The following OR3A2 variants were observed in gnomAD, a reference collection of about 807,000 sequenced individuals.
OR3A2 encodes the protein olfactory receptor 3A2.
For missense variants in OR3A2, 318 were observed against 392.8 expected (o/e 0.81, Z 1.61); for synonymous variants, 126 against 159.3 (o/e 0.79, Z 1.57).
chr17:3,290,049 T>C (rs1463293610), intron 3 of OR3A2, among the ~76,000 whole-genome samples: 1 of 152,140 alleles, frequency 6.6e-6, no homozygotes, highest in East Asian at 1.9e-4. Context: ...TAAACCTTCT[T>C]CCTGACATCC....
chr17:3,295,863 A>C (rs2048914410), intron 3 of OR3A2, among the ~76,000 whole-genome samples: 1 of 152,180 alleles, frequency 6.6e-6, no homozygotes, highest in Admixed American at 6.5e-5. Flanking sequence ...AAGATGTAAT[A>C]GGTATGAAAA....
intron 2 of OR3A2, among the ~76,000 whole-genome samples, chr17:3,378,548 C>T (rs1183328573): frequency 6.6e-6 from 1 of 152,098 alleles, no homozygotes; most frequent in African/African-American, 2.4e-5. Flanking sequence ...GAGTGTGGGG[C>T]TCCTGCCTCA....
At chr17:3,350,568 G>A (rs1171898685) in intron 2 of OR3A2, among the ~76,000 whole-genome samples, 1 of 150,922 alleles carries the variant, frequency 6.6e-6, no homozygotes, top group African/African-American at 2.4e-5. Flanking sequence ...AAGAGTCCAG[G>A]ACCAGATGGA....
At chr17:3,379,212 G>A (rs1244357208) in intron 2 of OR3A2, among the ~76,000 whole-genome samples, 1 of 152,200 alleles carries the variant, frequency 6.6e-6, no homozygotes, top group Non-Finnish European at 1.5e-5. Flanking sequence ...GGTAGAGAAA[G>A]GAAAGATGAG....
chr17:3,360,239 A>G (rs1685707604), intron 2 of OR3A2, among the ~76,000 whole-genome samples: 1 of 147,026 alleles, frequency 6.8e-6, no homozygotes. Context: ...GTGTCTGTTC[A>G]TATCCTTCGC....
intron 1 of OR3A2, among the ~76,000 whole-genome samples, chr17:3,279,552 G>T (rs2048764794): frequency 6.6e-6 from 1 of 152,218 alleles, no homozygotes; most frequent in Non-Finnish European, 1.5e-5. Flanking sequence ...CCAGCAGTTT[G>T]GGAGGCCAAG....
At chr17:3,309,188 G>A (rs2049020870) in intron 3 of OR3A2, among the ~76,000 whole-genome samples, 1 of 152,198 alleles carries the variant, frequency 6.6e-6, no homozygotes. Context: ...TTACAGGTGT[G>A]AGTCACCACG....
chr17:3,369,608 C>G (rs114862591), intron 2 of OR3A2, among the ~76,000 whole-genome samples: 1 of 151,958 alleles, frequency 6.6e-6, no homozygotes, highest in Non-Finnish European at 1.5e-5. Flanking sequence ...ATTATATTTT[C>G]GATATGCTGT....
chr17:3,285,702 C>T (rs183129586), upstream of OR3A2, among the ~76,000 whole-genome samples: 10 of 152,258 alleles, frequency 6.6e-5, no homozygotes, highest in Admixed American at 2.0e-4. Flanking sequence ...ATGAAAGGAT[C>T]GCTTGAGCCC....
chr17:3,302,888 A>G (rs2048975971), intron 3 of OR3A2, among the ~76,000 whole-genome samples: 1 of 152,218 alleles, frequency 6.6e-6, no homozygotes. Context: ...AGCGGCTGCC[A>G]CCCACAGTAC....
At chr17:3,356,596 T>C (rs2049467387) in intron 2 of OR3A2, among the ~76,000 whole-genome samples, 1 of 151,374 alleles carries the variant, frequency 6.6e-6, no homozygotes, top group Non-Finnish European at 1.5e-5. Context: ...AATAATGAGA[T>C]AACTTTGAGG....
intron 3 of OR3A2, among the ~76,000 whole-genome samples, chr17:3,293,852 A>G (rs1258677967): frequency 1.3e-5 from 2 of 152,220 alleles, no homozygotes; most frequent in Admixed American, 6.5e-5. Context: ...AAACTAATGC[A>G]GGAACAGGAA....
At chr17:3,284,914 A>C (rs2150618348), upstream of OR3A2, among the ~76,000 whole-genome samples, 2 of 151,912 alleles carry the variant, frequency 1.3e-5, no homozygotes, top group South Asian at 4.2e-4. Context: ...AGGTAGGAGG[A>C]GGCCCCAGAA....
intron 3 of OR3A2, among the ~76,000 whole-genome samples, chr17:3,305,851 T>C (rs910279595): frequency 8.5e-5 from 13 of 152,212 alleles, no homozygotes; most frequent in Admixed American, 5.9e-4. Flanking sequence ...GATTAGGTGG[T>C]AATTATTTGG....
chr17:3,358,723 C>A (rs958960812), intron 2 of OR3A2, among the ~76,000 whole-genome samples: 4 of 151,508 alleles, frequency 2.6e-5, no homozygotes, highest in Non-Finnish European at 4.4e-5. Context: ...CGAGTATGTG[C>A]CATGTGGCAA....
intron 3 of OR3A2, among the ~76,000 whole-genome samples, chr17:3,334,049 A>G (rs938699682): frequency 6.6e-6 from 1 of 152,182 alleles, no homozygotes; most frequent in African/African-American, 2.4e-5. Flanking sequence ...CAAAACCACA[A>G]TTAAGATATC....
rs185183978 is a variant in OR3A2 at position 3,322,622 on chromosome 17, G to A, written c.-85+13411C>T. ...ACATCTTTATTTCTGCCTTCATTTC[G>A]TTATGTACCCAGTAGTCATTCAGGA... On this transcript the variant is annotated intron_variant, in intron 3 of 4. Transcript: ENST00000573491. Among the ~76,000 whole-genome samples the A allele has an allele frequency of 2.3e-4, 35 of 152,148 alleles. No homozygotes were observed. The East Asian group carries it at 6.0e-3, about 26-fold the overall frequency.
chr17:3,379,161 G>A (rs569703431), intron 2 of OR3A2, among the ~76,000 whole-genome samples: 27 of 152,264 alleles, frequency 1.8e-4, no homozygotes, highest in African/African-American at 6.3e-4. Flanking sequence ...TCCATGGGAC[G>A]TGACTATCAG....
At chr17:3,330,306 A>G (rs1084907) in intron 3 of OR3A2, among the ~76,000 whole-genome samples, 101,334 of 147,308 alleles carry the variant, frequency 0.69, 36,532 homozygotes, top group East Asian at 1. Flanking sequence ...AATGTTGACA[A>G]TGGGGTGTTA....
Sources: gnomAD v4.1 joint callset for allele counts (sites outside exome capture counted in the v4.1 genomes callset) on GRCh38, gnomAD v4.1.1 for gene constraint, MANE v1.5 for transcripts, NCBI Gene and HGNC (gene_info 2026-07-23, HGNC 2026-07-21) for gene names.